UBR1: variants seen among roughly 807,000 people sequenced by gnomAD.
The protein encoded by UBR1 is ubiquitin protein ligase E3 component n-recognin 1, also known as E3 ubiquitin-protein ligase UBR1.
Under a neutral mutation model 242.1 loss-of-function variants are expected in UBR1, and 102 were observed. That is an observed-to-expected ratio of 0.42 (90% CI 0.36 to 0.50). UBR1 has a LOEUF of 0.50. Ranked by LOEUF, UBR1 falls within the 20% of genes least tolerant of loss-of-function variation. The pLI is 0.01. For synonymous variants in UBR1, 675 were observed against 684.8 expected (o/e 0.99, Z 0.22); for missense variants, 1,772 against 2,101.8 (o/e 0.84, Z 3.07).
At chr15:43,008,368 G>A (rs1013635731) in intron 29 of UBR1, among the ~76,000 whole-genome samples, 7 of 152,390 alleles carry the variant, frequency 4.6e-5, no homozygotes, top group African/African-American at 7.2e-5. Flanking sequence ...AAGCCCAGGC[G>A]CTGCCGCGGC....
Position 43,015,731 on chromosome 15 carries a change from A to T in UBR1, c.3166T>A (p.Ser1056Thr). 2 of 1,614,020 alleles carry T rather than the reference A, an allele frequency of 1.2e-6. No homozygotes were observed. The highest frequency in any genetic ancestry group is 1.7e-6 in the Non-Finnish European group (2 of 1,179,986). Residue 1056 changes from serine (S) to threonine (T), a missense_variant, in exon 29 of 47, where the codon TCA (serine) becomes ACA (threonine). By Grantham distance (58) the Ser-to-Thr change is moderately conservative. Around this residue, in one of 3 missense-constraint regions of UBR1, gnomAD observed 965 missense variants for 1,079.7 expected, o/e 0.89. Transcript: ENST00000290650. ...ETHKLMYDNT[S>T]EMPGKEDSIM... ...GAATCTTCTTTCCCAGGCATTTCTG[A>T]TGTATTGTCATACATGAGTTTATGA...
intron 45 of UBR1, among the ~76,000 whole-genome samples, chr15:42,951,380 C>G (rs1401217259): frequency 6.6e-6 from 1 of 152,132 alleles, no homozygotes; most frequent in African/African-American, 2.4e-5. Flanking sequence ...TGCGCCACCA[C>G]GCCCAGCTAA....
At chr15:43,076,803 C>T (rs2033905677) in intron 3 of UBR1, among the ~76,000 whole-genome samples, 2 of 130,888 alleles carry the variant, frequency 1.5e-5, no homozygotes, top group South Asian at 5.3e-4. Context: ...CCCGGCCAGC[C>T]GCCCCGTCCG....
chr15:43,014,576 G>A (rs575223962), intron 29 of UBR1, among the ~76,000 whole-genome samples: 3 of 150,140 alleles, frequency 2.0e-5, no homozygotes, highest in Admixed American at 6.6e-5. Flanking sequence ...CCGCGACCCC[G>A]TCTGGGAGGT....
At chr15:43,090,530 T>G (rs2034094365) in intron 1 of UBR1, among the ~76,000 whole-genome samples, 1 of 152,100 alleles carries the variant, frequency 6.6e-6, no homozygotes, top group African/African-American at 2.4e-5. Flanking sequence ...TTTCTCTACA[T>G]ACCTGGCAAC....
intron 2 of UBR1, among the ~76,000 whole-genome samples, chr15:43,084,047 A>AAAAC (rs1003162568): frequency 2.0e-5 from 3 of 152,176 alleles, no homozygotes; most frequent in South Asian, 2.1e-4. Context: ...CTCTGTCTCA[A>AAAAC]AAACAAACAA....
rs760706389 is a variant in UBR1 at position 42,944,225 on chromosome 15, C to G, written c.*1104G>C. The G allele has an allele frequency of 5.2e-5, 8 of 152,558 alleles. No individual in the cohort carries two copies. The highest frequency in any genetic ancestry group is 1.3e-4 in the Admixed American group (2 of 15,264). The allele number at this position is 152,558 out of a possible 1,614,324, so 9.5% of individuals were successfully genotyped here. A position where few individuals can be genotyped will look rare whatever the true frequency, so the allele number is the denominator to read the frequency against. ...AAACAAAAGCCAGGAACCAAGAAGT[C>G]TATGCACAAATTCAGGAGAGCTCTA... On this transcript the variant is annotated 3_prime_UTR_variant, in exon 47 of 47. Coordinates refer to ENST00000290650, the MANE Select transcript of UBR1 (RefSeq NM_174916.3).
chr15:42,966,077 T>A, intron 41 of UBR1, 76 bp downstream of exon 41: 1 of 1,603,232 alleles, frequency 6.2e-7, no homozygotes, highest in Non-Finnish European at 8.5e-7. Context: ...TGCTTTAACC[T>A]TGTATTCATG....
chr15:43,051,257 T>A (rs2033551359), intron 12 of UBR1, among the ~76,000 whole-genome samples: 1 of 152,168 alleles, frequency 6.6e-6, no homozygotes, highest in Non-Finnish European at 1.5e-5. Context: ...AAGAATGAGA[T>A]CACATCTTTT....
At chr15:42,961,956 G>T (rs2032029544) in intron 42 of UBR1, among the ~76,000 whole-genome samples, 1 of 149,710 alleles carries the variant, frequency 6.7e-6, no homozygotes. Context: ...AGTAGAAATG[G>T]GGTTTCACTA....
At chr15:42,962,201 T>G (rs2032034904) in intron 42 of UBR1, among the ~76,000 whole-genome samples, 1 of 152,150 alleles carries the variant, frequency 6.6e-6, no homozygotes, top group Admixed American at 6.6e-5. Flanking sequence ...CAGAAACCAT[T>G]CTAAGTATTT....
At chr15:42,973,760 T>C (rs1456659733) in intron 39 of UBR1, among the ~76,000 whole-genome samples, 1 of 152,176 alleles carries the variant, frequency 6.6e-6, no homozygotes, top group African/African-American at 2.4e-5. Context: ...CATAAGTTTT[T>C]AATTTTATTA....
intron 39 of UBR1, 101 bp downstream of exon 39, chr15:42,976,616 C>T: frequency 7.0e-7 from 1 of 1,424,812 alleles, no homozygotes; most frequent in South Asian, 1.2e-5. Context: ...AAACATAACA[C>T]AGAACCTAGA....
intron 30 of UBR1, among the ~76,000 whole-genome samples, 170 bp from the exon 31 acceptor site, chr15:43,004,100 G>A (rs1356243653): frequency 1.3e-5 from 2 of 152,112 alleles, no homozygotes; most frequent in East Asian, 3.8e-4. Flanking sequence ...AAGCATAAAG[G>A]TAGCCTGTCA....
rs1196210484 is a variant in UBR1 at position 43,085,974 on chromosome 15, T to C, written c.338+10A>G. On this transcript the variant is annotated intron_variant, in intron 2 of 46. Coordinates refer to ENST00000290650, the MANE Select transcript of UBR1 (RefSeq NM_174916.3). Reference sequence around the variant, plus strand: ...AATTATAATCAATCCTGTAAATTTCTAATTCTTACCTGCAAGAATAGGTTG... The same window carrying C: ...AATTATAATCAATCCTGTAAATTTCCAATTCTTACCTGCAAGAATAGGTTG... The C allele has an allele frequency of 1.2e-6, 2 of 1,605,340 alleles. No individual in the cohort carries two copies. The highest frequency in any genetic ancestry group is 1.7e-6 in the Non-Finnish European group (2 of 1,172,724).
intron 33 of UBR1, among the ~76,000 whole-genome samples, chr15:42,996,162 C>G (rs1246332534): frequency 6.6e-6 from 1 of 152,204 alleles, no homozygotes; most frequent in African/African-American, 2.4e-5. Flanking sequence ...CCCTACTGAT[C>G]AATTCCTTCT....
intron 1 of UBR1, among the ~76,000 whole-genome samples, chr15:43,090,091 T>G (rs1249222074): frequency 6.6e-6 from 1 of 152,014 alleles, no homozygotes; most frequent in Non-Finnish European, 1.5e-5. Context: ...AAGAGGGAGG[T>G]AAAAGAACTG....
chr15:43,098,858 C>T (rs1462786538), intron 1 of UBR1, among the ~76,000 whole-genome samples: 1 of 152,188 alleles, frequency 6.6e-6, no homozygotes, highest in Non-Finnish European at 1.5e-5. Context: ...CAAAGTACTT[C>T]AGTTAGACTC....
At chr15:42,960,316 T>C (rs1170355496) in intron 43 of UBR1, among the ~76,000 whole-genome samples, 8 of 152,314 alleles carry the variant, frequency 5.3e-5, no homozygotes, top group African/African-American at 1.9e-4. Flanking sequence ...TATAGAAATA[T>C]TGTAAACCAC....
Sources: allele counts gnomAD v4.1 joint callset (sites outside exome capture counted in the v4.1 genomes callset), GRCh38; gene constraint gnomAD v4.1.1; regional missense constraint gnomAD v4.1.1; transcripts MANE v1.5; gene names NCBI Gene and HGNC (gene_info 2026-07-23, HGNC 2026-07-21).